The following ARSG variants were observed in gnomAD, a reference collection of about 807,000 sequenced individuals.
ARSG encodes arylsulfatase G.
In ARSG, 37 loss-of-function variants were observed where a neutral mutation model predicts 50.5. The observed-to-expected ratio is 0.73, with a 90% CI of 0.56 to 0.96. ARSG has a LOEUF of 0.96. Ranked by LOEUF, ARSG falls within the 50% of genes least tolerant of loss-of-function variation. ARSG has a pLI of 0.00. For missense variants in ARSG, 629 were observed against 675.3 expected, an observed-to-expected ratio of 0.93 and a Z score of 0.76; for synonymous variants, 225 against 254.6, an observed-to-expected ratio of 0.88 and a Z score of 1.11.
chr17:68,395,552 C>T (rs1364020777), intron 10 of ARSG, among the ~76,000 whole-genome samples: 1 of 152,192 alleles, frequency 6.6e-6, no homozygotes, highest in Non-Finnish European at 1.5e-5. Flanking sequence ...CTGGTTCAGA[C>T]CCCAAAAGGT....
chr17:68,265,320 C>T (rs529704848), intron 1 of ARSG, among the ~76,000 whole-genome samples: 1 of 152,014 alleles, frequency 6.6e-6, no homozygotes, highest in Admixed American at 6.6e-5. Flanking sequence ...ATGGCAAAAT[C>T]CTGTCTCCAC....
chr17:68,306,884 A>G (rs1248485179), intron 1 of ARSG, 59 bp from the exon 2 acceptor site: 1 of 152,266 alleles, frequency 6.6e-6, no homozygotes, highest in African/African-American at 2.4e-5. Context: ...GCTACTGAGT[A>G]AAACACAGCT....
chr17:68,311,800 CTTT>C (rs36097952), intron 2 of ARSG, among the ~76,000 whole-genome samples: 4 of 116,370 alleles, frequency 3.4e-5, no homozygotes, highest in Admixed American at 9.6e-5. Context: ...CTGTACTGTA[CTTT>C]TTTTTTTTTT....
chr17:68,294,250 A>C (rs1301097318), intron 1 of ARSG, among the ~76,000 whole-genome samples: 2 of 152,054 alleles, frequency 1.3e-5, no homozygotes, highest in African/African-American at 2.4e-5. Flanking sequence ...CTTGGGGAAA[A>C]AGTTGGCTCT....
intron 9 of ARSG, among the ~76,000 whole-genome samples, chr17:68,391,675 C>T (rs1311924484): frequency 2.0e-5 from 3 of 152,338 alleles, no homozygotes; most frequent in East Asian, 1.9e-4. Flanking sequence ...CTCCAAACCA[C>T]CGCGGCCTTT....
At chr17:68,311,684 C>T (rs990870053) in intron 2 of ARSG, among the ~76,000 whole-genome samples, 2 of 151,876 alleles carry the variant, frequency 1.3e-5, no homozygotes, top group Non-Finnish European at 2.9e-5. Context: ...CACCAAGGAC[C>T]GCTGGCAACC....
At chr17:68,355,445 G>T (rs1453388223) in intron 5 of ARSG, among the ~76,000 whole-genome samples, 1 of 152,110 alleles carries the variant, frequency 6.6e-6, no homozygotes, top group Non-Finnish European at 1.5e-5. Flanking sequence ...TGCAACCTCC[G>T]CCTCCTAGGT....
chr17:68,441,649 A>G, the ARSG span, among the ~76,000 whole-genome samples: 1,003 of 152,322 alleles, frequency 6.6e-3, 13 homozygotes, highest in African/African-American at 0.023. Context: ...CCTATGGGAC[A>G]GAGAGGGCTG....
At chr17:68,449,825 C>T in the ARSG span, among the ~76,000 whole-genome samples, 4 of 152,110 alleles carry the variant, frequency 2.6e-5, no homozygotes, top group South Asian at 2.1e-4. Flanking sequence ...TGAGAATAGA[C>T]GAATACACTC....
intron 8 of ARSG, among the ~76,000 whole-genome samples, chr17:68,372,632 C>T (rs1366689526): frequency 6.6e-6 from 1 of 152,134 alleles, no homozygotes; most frequent in Non-Finnish European, 1.5e-5. Flanking sequence ...AGTCGCCTTC[C>T]ACCAGGCCCC....
the ARSG span, among the ~76,000 whole-genome samples, chr17:68,447,143 C>T: frequency 2.0e-5 from 3 of 152,198 alleles, no homozygotes; most frequent in African/African-American, 7.2e-5. Context: ...TTTATAGCAT[C>T]TGCCCTAGAA....
At chr17:68,340,060 A>G (rs1221663399) in intron 2 of ARSG, among the ~76,000 whole-genome samples, 3 of 152,184 alleles carry the variant, frequency 2.0e-5, no homozygotes, top group African/African-American at 4.8e-5. Flanking sequence ...CCTTCCTTGC[A>G]TCTGACTGCC....
intron 8 of ARSG, chr17:68,379,773 G>T: frequency 1.0e-6 from 1 of 964,940 alleles, no homozygotes; most frequent in Non-Finnish European, 1.2e-6. Flanking sequence ...TTCAGCATTA[G>T]TTAAATGAAA....
chr17:68,439,899 G>A, the ARSG span, among the ~76,000 whole-genome samples: 5 of 152,266 alleles, frequency 3.3e-5, no homozygotes, highest in African/African-American at 1.2e-4. Flanking sequence ...GCGTGTCTTT[G>A]TGGCAGAGAG....
At chr17:68,423,319 A>G (rs2082933050), downstream of ARSG, among the ~76,000 whole-genome samples, 1 of 152,234 alleles carries the variant, frequency 6.6e-6, no homozygotes, top group Non-Finnish European at 1.5e-5. The surrounding 1 kb of genome is among the most constrained non-coding windows in gnomAD (Gnocchi z 4.4). Flanking sequence ...TTGATAGAGC[A>G]TCCCAGGAGC....
At chr17:68,262,810 G>A (rs2075094796) in intron 1 of ARSG, among the ~76,000 whole-genome samples, 1 of 152,138 alleles carries the variant, frequency 6.6e-6, no homozygotes, top group Non-Finnish European at 1.5e-5. Context: ...GGTTTGAGGA[G>A]GATGATCCAG....
chr17:68,398,960 T>A (rs1010828348), intron 10 of ARSG, among the ~76,000 whole-genome samples: 7 of 152,196 alleles, frequency 4.6e-5, no homozygotes, highest in Non-Finnish European at 1.0e-4. Context: ...TCCCACTTTG[T>A]GCTTTCCTGG....
Position 68,271,947 on chromosome 17 carries a change from C to T in ARSG, c.-552+12521C>T, listed in dbSNP as rs1479004020. On this transcript the variant is annotated intron_variant, in intron 1 of 11. Transcript: ENST00000448504. The surrounding 1 kb of genome is among the most constrained non-coding windows in gnomAD (Gnocchi z 5.3). ...CCTCCTGAGTAGCTGGGACTATAGG[C>T]GTGCGCCACCACGACCAGCCAATTT... Among the ~76,000 whole-genome samples the T allele has an allele frequency of 2.6e-5, 4 of 152,176 alleles. No individual in the cohort carries two copies. Among genetic ancestry groups the T allele is most frequent in the Admixed American group, 1.3e-4 (2 of 15,270 alleles).
chr17:68,389,528 AC>A (rs1432109843), intron 9 of ARSG, among the ~76,000 whole-genome samples: 9 of 152,010 alleles, frequency 5.9e-5, no homozygotes, highest in Admixed American at 1.3e-4. Context: ...AAAAGTTAAA[AC>A]TAAATGCAGA....
Sources: gnomAD v4.1 joint callset for allele counts (sites outside exome capture counted in the v4.1 genomes callset) on GRCh38, gnomAD v4.1.1 for gene constraint, Gnocchi (gnomAD v3.1) non-coding constraint, MANE v1.5 for transcripts, NCBI Gene and HGNC (gene_info 2026-07-23, HGNC 2026-07-21) for gene names.